RBBP8NL: variants seen among roughly 807,000 people sequenced by gnomAD.
The protein encoded by RBBP8NL is RBBP8 N-terminal like.
Under a neutral mutation model 62.2 loss-of-function variants are expected in RBBP8NL, and 59 were observed. The observed-to-expected ratio is 0.95, with a 90% CI of 0.77 to 1.18. RBBP8NL has a LOEUF of 1.18. Among genes scored for constraint, RBBP8NL ranks in the 50% most tolerant of loss-of-function variants. RBBP8NL has a pLI of 0.00. For missense variants in RBBP8NL, 896 were observed against 899.5 expected (o/e 1.00, Z 0.05); for synonymous variants, 412 against 394.1 (o/e 1.05, Z -0.54).
intron 5 of RBBP8NL, 120 bp downstream of exon 5, chr20:62,416,640 C>A: frequency 1.5e-6 from 1 of 685,530 alleles, no homozygotes; most frequent in South Asian, 1.8e-5. Context: ...TGAGGTTCCC[C>A]CAGTGGTGTG....
intron 1 of RBBP8NL, among the ~76,000 whole-genome samples, chr20:62,422,460 G>A (rs990138105): frequency 4.7e-5 from 7 of 150,364 alleles, no homozygotes; most frequent in Non-Finnish European, 1.0e-4. Flanking sequence ...GGGCGTCTTT[G>A]GGGGTGGGGC....
intron 2 of RBBP8NL, among the ~76,000 whole-genome samples, chr20:62,419,044 C>T (rs953853475): frequency 2.0e-5 from 3 of 151,798 alleles, no homozygotes; most frequent in Admixed American, 6.6e-5. Flanking sequence ...CCCTGTCCCT[C>T]GTGGGGGAAG....
At chr20:62,423,330 G>A (rs1027622602) in intron 1 of RBBP8NL, among the ~76,000 whole-genome samples, 2 of 152,210 alleles carry the variant, frequency 1.3e-5, no homozygotes, top group African/African-American at 2.4e-5. Flanking sequence ...CTGTGGGTCT[G>A]CATGCTCTGC....
chr20:62,414,176 G>T lies in RBBP8NL; in HGVS notation c.1175C>A (p.Ser392Ter), dbSNP rs1277126733. 6.2e-7 allele frequency: 1 copy of T among 1,609,460 alleles called. No individual in the cohort carries two copies. The highest frequency in any genetic ancestry group is 8.5e-7 in the Non-Finnish European group (1 of 1,179,244). ...CTCATTCTCAGGGCCCTCAGAGTCT[G>T]AGCCGACTGGTAGGGAGGGCAGCAT... is the stretch of plus-strand genomic sequence containing the variant. The part of the protein sequence containing the change: ...GEMLPSLPVG[S>*]DSEGPENEGT... Residue 392 changes from serine (S) to a stop codon, truncating the protein, a stop_gained, in exon 10 of 14, where the codon TCA becomes TAA. Coordinates refer to ENST00000252998, the MANE Select transcript of RBBP8NL (RefSeq NM_080833.3). LOFTEE classifies it high-confidence loss of function.
At position 62,415,325 on chromosome 20, in the gene RBBP8NL, C is replaced by CGTGGCTTCTGCT. The variant is rs1470776593; in HGVS notation, c.628-39_628-38insAGCAGAAGCCAC. On this transcript the variant is annotated intron_variant, in intron 8 of 13. Coordinates refer to ENST00000252998, the MANE Select transcript of RBBP8NL (RefSeq NM_080833.3). ...GTGGGTCAGCCTGGGCGGGGGCATG[C>CGTGGCTTCTGCT]GTGGCCTCTGCTGTGGCCTCTGCCA... is the stretch of plus-strand genomic sequence containing the variant. The CGTGGCTTCTGCT allele has an allele frequency of 3.9e-6, 6 of 1,538,508 alleles. No homozygotes were observed. In the East Asian group the frequency reaches 9.5e-5, roughly 24 times the overall value.
At chr20:62,421,264 G>T (rs1414385013) in intron 1 of RBBP8NL, among the ~76,000 whole-genome samples, 2 of 149,678 alleles carry the variant, frequency 1.3e-5, no homozygotes, top group Non-Finnish European at 3.0e-5. Context: ...TGTGTGCCGT[G>T]TGTGTGCATG....
chr20:62,412,862 C>T lies in RBBP8NL; in HGVS notation c.1714G>A (p.Glu572Lys), dbSNP rs145375194. 58 of 1,613,392 alleles carry T rather than the reference C, an allele frequency of 3.6e-5. No homozygotes were observed. Among genetic ancestry groups the T allele is most frequent in the Non-Finnish European group, 4.6e-5 (54 of 1,180,006 alleles). Residue 572 changes from glutamate to lysine, a missense_variant, in exon 12 of 14, where the codon GAA becomes AAA. By Grantham distance (56) the Glu-to-Lys change is moderately conservative (BLOSUM62 1). Coordinates refer to ENST00000252998, the MANE Select transcript of RBBP8NL (RefSeq NM_080833.3). ...CCTGGGGTGTCTGTCTCATCCAGTT[C>T]GTCGGACTCTGGTCTCAGCACTTCA... ...KAEVLRPESD[E>K]LDETDTPGSE...
At position 62,414,258 on chromosome 20, in the gene RBBP8NL, G is replaced by A. The variant is rs756766537; in HGVS notation, c.1093C>T (p.Arg365Trp). 1.1e-5 allele frequency: 18 copies of A among 1,590,218 alleles called. No homozygotes were observed. Among genetic ancestry groups the A allele is most frequent in the African/African-American group, 2.7e-5 (2 of 74,658 alleles). Residue 365 changes from arginine to tryptophan, a missense_variant, in exon 10 of 14, where the codon CGG becomes TGG. Arg to Trp is a moderately radical substitution (Grantham distance 101, BLOSUM62 -3). Transcript: ENST00000252998. Reference sequence around the variant, plus strand: ...ACACTGCCTGCCCTGGCCCTAGCCCGCAGCTGCTGCTGGGCCAGGAGCAGG... The same window carrying A: ...ACACTGCCTGCCCTGGCCCTAGCCCACAGCTGCTGCTGGGCCAGGAGCAGG... Reference protein sequence around the residue: ...LHLLLAQQQLRARARAGSVRP... With the variant: ...LHLLLAQQQLWARARAGSVRP...
chr20:62,417,458 C>A (rs1252005214), intron 3 of RBBP8NL, 139 bp from the exon 4 acceptor site: 10 of 622,818 alleles, frequency 1.6e-5, no homozygotes, highest in Middle Eastern at 4.3e-4. Flanking sequence ...CGGTGCCCCC[C>A]TCCCAGTCAT....
intron 1 of RBBP8NL, among the ~76,000 whole-genome samples, chr20:62,421,680 C>G (rs1988704012): frequency 1.4e-5 from 2 of 138,550 alleles, no homozygotes; most frequent in Non-Finnish European, 3.1e-5. Context: ...TGTGCATGCT[C>G]AAGCCAGTGT....
intron 1 of RBBP8NL, among the ~76,000 whole-genome samples, chr20:62,427,089 C>G (rs1601493971): frequency 1.3e-5 from 2 of 152,352 alleles, no homozygotes; most frequent in South Asian, 4.1e-4. Flanking sequence ...GCCCGCTTAT[C>G]CTCTTGTGAA....
rs1191107785 is a variant in RBBP8NL, at chr20:62,413,447, T to TG, written c.1628dup (p.Gln544ThrfsTer10). On this transcript the variant is annotated frameshift_variant, in exon 11 of 14. Coordinates refer to ENST00000252998, the MANE Select transcript of RBBP8NL (RefSeq NM_080833.3). LOFTEE classifies it high-confidence loss of function. ...GCGGCTGTGGGTGGGGAGGCGGCTG[T>TG]GGGTGGGGAGGTGGCAGAGGCCTCC... The TG allele has an allele frequency of 2.1e-6, 3 of 1,460,428 alleles. No homozygotes were observed. Among genetic ancestry groups the TG allele is most frequent in the Non-Finnish European group, 2.7e-6 (3 of 1,108,014 alleles). The allele number at this position is 1,460,428 out of a possible 1,614,324, so 90.5% of individuals were successfully genotyped here. A position where few individuals can be genotyped will look rare whatever the true frequency, so the allele number is the denominator to read the frequency against.
intron 1 of RBBP8NL, among the ~76,000 whole-genome samples, chr20:62,426,789 G>A (rs1461187172): frequency 5.3e-5 from 8 of 152,238 alleles, no homozygotes; most frequent in East Asian, 1.9e-4. Context: ...CCCCACACGC[G>A]CGTGCGCCCG....
intron 1 of RBBP8NL, among the ~76,000 whole-genome samples, chr20:62,426,915 C>T (rs1222123765): frequency 6.6e-6 from 1 of 152,246 alleles, no homozygotes; most frequent in African/African-American, 2.4e-5. Flanking sequence ...GGCTGCTCTC[C>T]TGCCCTGCCG....
rs1020738182 is a variant in RBBP8NL at position 62,415,980 on chromosome 20, G to C, written c.387-35C>G. On this transcript the variant is annotated intron_variant, in intron 6 of 13. Transcript: ENST00000252998. ...AGGCAGAGACAGGGAGGGTGAGGGA[G>C]AGCAGCATCTCGGGAGATGATCAGA... The C allele has an allele frequency of 2.0e-6, 3 of 1,499,764 alleles. No individual in the cohort carries two copies. In the African/African-American group the frequency reaches 4.2e-5, roughly 21 times the overall value. 92.9% of individuals were successfully genotyped at this position (1,499,764 alleles called of 1,614,324 possible).
At chr20:62,422,069 G>A (rs1298792550) in intron 1 of RBBP8NL, among the ~76,000 whole-genome samples, 1 of 152,138 alleles carries the variant, frequency 6.6e-6, no homozygotes, top group East Asian at 1.9e-4. Flanking sequence ...CTCCATGGTG[G>A]CCATCCCTGG....
At position 62,414,510 on chromosome 20, in the gene RBBP8NL, T is replaced by C; in HGVS notation, c.841A>G (p.Lys281Glu). The change falls in exon 10 of 14, where the codon AAG (lysine) becomes GAG (glutamate). Residue 281 changes from lysine to glutamate, a missense_variant. Lys to Glu is a moderately conservative substitution (Grantham distance 56). Coordinates refer to ENST00000252998, the MANE Select transcript of RBBP8NL (RefSeq NM_080833.3). The stretch of plus-strand genomic sequence containing the variant: ...AGCCGGTCCACCTTCGGGGAGAGCT[T>C]CGGGGCCTCATGGGTCATGGCGGAG... ...RPSAMTHEAP[K>E]LSPKVDRLCL... 2 of 1,448,414 alleles carry C rather than the reference T, an allele frequency of 1.4e-6. No homozygotes were observed. The highest frequency in any genetic ancestry group is 1.8e-6 in the Non-Finnish European group (2 of 1,096,420). 89.7% of individuals were successfully genotyped at this position (1,448,414 alleles called of 1,614,324 possible).
Position 62,419,698 on chromosome 20 carries a change from G to A in RBBP8NL, c.-51C>T, listed in dbSNP as rs757098725. The A allele has an allele frequency of 3.1e-5, 49 of 1,581,034 alleles. 1 individual carries two copies. The highest frequency in any genetic ancestry group is 1.3e-4 in the African/African-American group (10 of 74,244). On this transcript the variant is annotated 5_prime_UTR_variant, in exon 2 of 14. Coordinates refer to ENST00000252998, the MANE Select transcript of RBBP8NL (RefSeq NM_080833.3). The stretch of plus-strand genomic sequence containing the variant: ...CCCTCTGCGCTGGGGTTGTGGAGAC[G>A]CCTGCAGCCTCTACTGCCCCTCTGT...
intron 1 of RBBP8NL, among the ~76,000 whole-genome samples, chr20:62,423,632 G>A (rs1988752315): frequency 6.6e-6 from 1 of 152,226 alleles, no homozygotes; most frequent in Non-Finnish European, 1.5e-5. Flanking sequence ...GAGGTCTCTG[G>A]GGTCCACACG....
Sources: gnomAD v4.1 joint callset for allele counts (sites outside exome capture counted in the v4.1 genomes callset) on GRCh38, gnomAD v4.1.1 for gene constraint, MANE v1.5 for transcripts, NCBI Gene and HGNC (gene_info 2026-07-23, HGNC 2026-07-21) for gene names.